TCF7L1: variants seen among roughly 807,000 people sequenced by gnomAD.
The protein encoded by TCF7L1 is transcription factor 7-like 1.
A neutral mutation model predicts 63.7 loss-of-function variants in TCF7L1; 18 were observed. The observed-to-expected ratio is 0.28, with a 90% confidence interval of 0.20 to 0.42. The LOEUF (loss-of-function observed/expected upper bound fraction) is 0.42. Among genes scored for constraint, TCF7L1 ranks in the 10% least tolerant of loss-of-function variants. The pLI is 1.00. For missense variants in TCF7L1, 654 were observed against 779.3 expected (o/e 0.84, Z 1.91); for synonymous variants, 355 against 340.9 (o/e 1.04, Z -0.46).
chr2:85,134,525 G>T lies in TCF7L1; in HGVS notation c.441+75G>T. ...GGATGCGCCCCCGGGCTTGGCCATG[G>T]AGTGGGGGATGGGGCCTTCTGCGCC... On this transcript the variant is annotated intron_variant, in intron 3 of 11. Transcript: ENST00000282111. The surrounding 1 kb of genome is among the most constrained non-coding windows in gnomAD (Gnocchi z 5.0). 1 of 1,522,168 alleles carries T rather than the reference G, an allele frequency of 6.6e-7. No individual in the cohort carries two copies. The highest frequency in any genetic ancestry group is 8.8e-7 in the Non-Finnish European group (1 of 1,134,550). The allele number at this position is 1,522,168 out of a possible 1,614,324, so 94.3% of individuals were successfully genotyped here. A position where few individuals can be genotyped will look rare whatever the true frequency, so the allele number is the denominator to read the frequency against.
At chr2:85,257,643 G>T (rs190885007) in intron 3 of TCF7L1, among the ~76,000 whole-genome samples, 3 of 151,720 alleles carry the variant, frequency 2.0e-5, no homozygotes, top group African/African-American at 7.3e-5. Flanking sequence ...ACATGCCCAC[G>T]GGGCTGCTCT....
intron 3 of TCF7L1, among the ~76,000 whole-genome samples, chr2:85,227,767 G>A (rs1369004348): frequency 1.3e-5 from 2 of 151,800 alleles, no homozygotes; most frequent in East Asian, 1.9e-4. Flanking sequence ...GCCCAAGGTG[G>A]GAGGATCTCT....
chr2:85,236,498 C>A, intron 3 of TCF7L1, among the ~76,000 whole-genome samples: 1 of 152,134 alleles, frequency 6.6e-6, no homozygotes, highest in East Asian at 1.9e-4. Context: ...TGTGAACCCC[C>A]TGGTGTGTCC....
At chr2:85,265,028 A>G (rs1333873694) in intron 3 of TCF7L1, among the ~76,000 whole-genome samples, 2 of 152,270 alleles carry the variant, frequency 1.3e-5, no homozygotes, top group African/African-American at 4.8e-5. Flanking sequence ...CGGAATGAAG[A>G]TATGTATTCT....
chr2:85,175,571 C>G (rs531351957), intron 3 of TCF7L1, among the ~76,000 whole-genome samples: 1 of 152,146 alleles, frequency 6.6e-6, no homozygotes, highest in Non-Finnish European at 1.5e-5. Context: ...TGAGGTACAC[C>G]CTGTTCTTTG....
chr2:85,308,653 G>C (rs991448206), intron 11 of TCF7L1, among the ~76,000 whole-genome samples: 1 of 151,762 alleles, frequency 6.6e-6, no homozygotes, highest in South Asian at 2.1e-4. Flanking sequence ...AGAACCCGCT[G>C]TCTGGCACGC....
chr2:85,162,275 C>T (rs538482168), intron 3 of TCF7L1, among the ~76,000 whole-genome samples: 22 of 152,214 alleles, frequency 1.4e-4, no homozygotes, highest in Admixed American at 3.3e-4. Flanking sequence ...AAAGAAAGTC[C>T]GCATGCCTGA....
At chr2:85,203,401 CT>C (rs1192077873) in intron 3 of TCF7L1, among the ~76,000 whole-genome samples, 1 of 152,116 alleles carries the variant, frequency 6.6e-6, no homozygotes, top group Non-Finnish European at 1.5e-5. Flanking sequence ...ATACATCAGA[CT>C]CAGCTAAATG....
intron 3 of TCF7L1, among the ~76,000 whole-genome samples, chr2:85,249,071 G>A (rs1018972807): frequency 6.6e-6 from 1 of 152,076 alleles, no homozygotes; most frequent in African/African-American, 2.4e-5. Context: ...AGTATCATAA[G>A]GAAATACCTA....
intron 4 of TCF7L1, among the ~76,000 whole-genome samples, chr2:85,284,175 T>C (rs1681487275): frequency 1.3e-5 from 2 of 152,148 alleles, no homozygotes; most frequent in Non-Finnish European, 2.9e-5. Flanking sequence ...CACGCCTGGC[T>C]AATTTTTGGT....
At chr2:85,179,341 G>T (rs1014390101) in intron 3 of TCF7L1, among the ~76,000 whole-genome samples, 1 of 152,130 alleles carries the variant, frequency 6.6e-6, no homozygotes, top group South Asian at 2.1e-4. Flanking sequence ...CTCCTGGAGA[G>T]CCTGTTAACA....
chr2:85,227,271 C>G (rs1448547018), intron 3 of TCF7L1, among the ~76,000 whole-genome samples: 1 of 152,164 alleles, frequency 6.6e-6, no homozygotes, highest in Non-Finnish European at 1.5e-5. Flanking sequence ...CTGTCAAACC[C>G]CCTCTGAACT....
chr2:85,252,580 G>A (rs2104336906), intron 3 of TCF7L1, among the ~76,000 whole-genome samples: 1 of 152,280 alleles, frequency 6.6e-6, no homozygotes, highest in East Asian at 1.9e-4. Context: ...CCAAGAAGGG[G>A]GAAATAAAAG....
At chr2:85,299,783 TG>T (rs1681924806) in intron 4 of TCF7L1, among the ~76,000 whole-genome samples, 1 of 148,894 alleles carries the variant, frequency 6.7e-6, no homozygotes. Flanking sequence ...TGCTTGAGCC[TG>T]GGAGGTAGAG....
At chr2:85,208,911 G>T (rs1433075067) in intron 3 of TCF7L1, among the ~76,000 whole-genome samples, 1 of 152,176 alleles carries the variant, frequency 6.6e-6, no homozygotes. Flanking sequence ...TCTGGGCTTG[G>T]CAGGTTCAGC....
chr2:85,146,818 A>G (rs1677891255), intron 3 of TCF7L1, among the ~76,000 whole-genome samples: 1 of 151,966 alleles, frequency 6.6e-6, no homozygotes, highest in South Asian at 2.1e-4. Context: ...TGGCATTTCT[A>G]TCCCTTTCAC....
chr2:85,281,277 G>A (rs921129414), intron 3 of TCF7L1, among the ~76,000 whole-genome samples: 100 of 152,112 alleles, frequency 6.6e-4, no homozygotes, highest in African/African-American at 2.3e-3. Context: ...TGCCCACCTT[G>A]GCCTCCCAAA....
chr2:85,186,127 T>C (rs1678916468), intron 3 of TCF7L1, among the ~76,000 whole-genome samples: 1 of 151,966 alleles, frequency 6.6e-6, no homozygotes, highest in Non-Finnish European at 1.5e-5. Context: ...CCACCACGCC[T>C]GGCTAGTTTT....
chr2:85,196,157 G>A (rs1194683516), intron 3 of TCF7L1, among the ~76,000 whole-genome samples: 1 of 152,224 alleles, frequency 6.6e-6, no homozygotes, highest in African/African-American at 2.4e-5. Flanking sequence ...ACTCATACGA[G>A]AAGCAGGGAT....
Sources: allele counts gnomAD v4.1 joint callset (sites outside exome capture counted in the v4.1 genomes callset), GRCh38; gene constraint gnomAD v4.1.1; non-coding constraint Gnocchi (gnomAD v3.1); transcripts MANE v1.5; gene names NCBI Gene and HGNC (gene_info 2026-07-23, HGNC 2026-07-21).